Variants in CCDC7 observed in about 807,000 individuals in gnomAD.
CCDC7 encodes coiled-coil domain containing 7.
In CCDC7, 183 loss-of-function variants were observed where a neutral mutation model predicts 196.9. That is an observed-to-expected ratio of 0.93 (90% confidence interval 0.82 to 1.05). The LOEUF is 1.05. Ranked by LOEUF, CCDC7 falls within the 50% of genes least tolerant of loss-of-function variation. The pLI is 0.00. For missense variants in CCDC7, 1,540 were observed against 1,482.2 expected, an observed-to-expected ratio of 1.04 and a Z score of -0.64; for synonymous variants, 525 against 484.6, an observed-to-expected ratio of 1.08 and a Z score of -1.10.
intron 25 of CCDC7, among the ~76,000 whole-genome samples, chr10:32,721,346 G>A (rs2082389493): frequency 6.6e-6 from 1 of 152,138 alleles, no homozygotes; most frequent in Non-Finnish European, 1.5e-5. Context: ...TCCTGTGTCA[G>A]TGTCTTTCTG....
chr10:32,774,181 T>C (rs1303461981), intron 28 of CCDC7, among the ~76,000 whole-genome samples: 1 of 152,198 alleles, frequency 6.6e-6, no homozygotes, highest in Non-Finnish European at 1.5e-5. Flanking sequence ...GATTGTGTCT[T>C]CTTCAGCACT....
intron 13 of CCDC7, among the ~76,000 whole-genome samples, chr10:32,555,010 C>G (rs940185925): frequency 1.3e-5 from 2 of 152,160 alleles, no homozygotes; most frequent in African/African-American, 4.8e-5. Flanking sequence ...CCTCCAGTTG[C>G]AAATGACAGG....
chr10:32,669,066 A>T (rs1565055654), intron 21 of CCDC7, among the ~76,000 whole-genome samples: 2 of 152,096 alleles, frequency 1.3e-5, no homozygotes, highest in African/African-American at 4.8e-5. Flanking sequence ...GTGGTGAGGT[A>T]CAATCCTCCT....
At chr10:32,828,686 C>T (rs2091766275) in intron 32 of CCDC7, among the ~76,000 whole-genome samples, 1 of 152,132 alleles carries the variant, frequency 6.6e-6, no homozygotes, top group African/African-American at 2.4e-5. Context: ...AACTAGGTGA[C>T]AATACTTTGC....
chr10:32,707,448 A>G (rs1011067344), intron 24 of CCDC7, among the ~76,000 whole-genome samples: 2 of 152,198 alleles, frequency 1.3e-5, no homozygotes, highest in Admixed American at 6.5e-5. Context: ...CCTATTCAAC[A>G]TAGTATTGGA....
intron 32 of CCDC7, among the ~76,000 whole-genome samples, chr10:32,829,080 C>T (rs948493734): frequency 6.6e-6 from 1 of 152,164 alleles, no homozygotes; most frequent in South Asian, 2.1e-4. Context: ...AAGATGAATT[C>T]AGTCTACTAC....
chr10:32,847,840 T>C lies in CCDC7; in HGVS notation c.3696T>C (p.Asp1232=), dbSNP rs375379901. The C allele has an allele frequency of 2.5e-6, 4 of 1,607,474 alleles. No homozygotes were observed. In the South Asian group the frequency reaches 4.4e-5, roughly 18 times the overall value. ...TGTGTTTTATGTCTATAGAGACTGA[T>C]GTAGAACCCTTGACAAATGCCATTG... Residue 1232 remains aspartate, a synonymous_variant, in exon 38 of 42, where the codon GAT becomes GAC. Transcript: ENST00000639629.
At chr10:32,593,658 C>T (rs1056411077) in intron 18 of CCDC7, among the ~76,000 whole-genome samples, 5 of 152,174 alleles carry the variant, frequency 3.3e-5, no homozygotes, top group Non-Finnish European at 7.3e-5. Flanking sequence ...CCTAGGTTTT[C>T]TTCAAGGGTT....
At chr10:32,707,730 A>G (rs1250357574) in intron 24 of CCDC7, among the ~76,000 whole-genome samples, 1 of 152,198 alleles carries the variant, frequency 6.6e-6, no homozygotes, top group African/African-American at 2.4e-5. Flanking sequence ...AATTGCTTCA[A>G]AGAGAATAAA....
intron 8 of CCDC7, among the ~76,000 whole-genome samples, chr10:32,476,090 G>C (rs1379052002): frequency 1.3e-5 from 2 of 152,060 alleles, no homozygotes; most frequent in African/African-American, 2.4e-5. Context: ...GTTTACATCT[G>C]GTTTGCTTTT....
At chr10:32,756,257 C>A (rs1027618873) in intron 28 of CCDC7, among the ~76,000 whole-genome samples, 2 of 152,120 alleles carry the variant, frequency 1.3e-5, no homozygotes, top group Non-Finnish European at 1.5e-5. Context: ...ATACAGAGAA[C>A]ACCACAAAGA....
At chr10:32,612,410 T>C (rs2062258982) in intron 18 of CCDC7, among the ~76,000 whole-genome samples, 1 of 152,128 alleles carries the variant, frequency 6.6e-6, no homozygotes, top group African/African-American at 2.4e-5. Flanking sequence ...TACCCTTAAT[T>C]TTTTTCTCTT....
At chr10:32,722,333 G>C (rs1175552369) in intron 25 of CCDC7, among the ~76,000 whole-genome samples, 1 of 152,060 alleles carries the variant, frequency 6.6e-6, no homozygotes, top group East Asian at 1.9e-4. Flanking sequence ...TGGTCCAGTG[G>C]GACCCATGCA....
chr10:32,655,775 G>C (rs2069709540), intron 20 of CCDC7, among the ~76,000 whole-genome samples: 1 of 152,166 alleles, frequency 6.6e-6, no homozygotes, highest in East Asian at 1.9e-4. Flanking sequence ...TCAAACTCCT[G>C]ATCTCAAGTG....
intron 29 of CCDC7, among the ~76,000 whole-genome samples, chr10:32,801,888 G>C (rs958105202): frequency 1.3e-5 from 2 of 152,168 alleles, no homozygotes; most frequent in African/African-American, 4.8e-5. Context: ...CGCCCAAAAA[G>C]TCTCATCAGA....
chr10:32,713,274 G>A (rs372355955), intron 25 of CCDC7, among the ~76,000 whole-genome samples: 12 of 152,280 alleles, frequency 7.9e-5, no homozygotes, highest in African/African-American at 2.4e-4. Context: ...TTTCCTCCTC[G>A]TCCTCATGTC....
At chr10:32,729,893 GATACGTTTTTTTC>G (rs1471333300) in intron 28 of CCDC7, among the ~76,000 whole-genome samples, 2 of 151,768 alleles carry the variant, frequency 1.3e-5, no homozygotes, top group African/African-American at 4.8e-5. Flanking sequence ...GTATTTGCTT[GATACGTTTTTTTC>G]ATCATATTAT....
chr10:32,854,548 G>A (rs965293251), intron 41 of CCDC7, 59 bp downstream of exon 42: 34 of 1,108,700 alleles, frequency 3.1e-5, no homozygotes, highest in African/African-American at 2.7e-4. Context: ...TATTCTCATC[G>A]TCTCTATTTA....
At chr10:32,686,025 A>G in exon 22 of CCDC7, 1 of 1,589,882 alleles carries the variant, frequency 6.3e-7, no homozygotes, top group Non-Finnish European at 8.6e-7. Flanking sequence ...AATCATTGTC[A>G]AAAACCAAAT....
Sources: gnomAD v4.1 joint callset for allele counts (sites outside exome capture counted in the v4.1 genomes callset) on GRCh38, gnomAD v4.1.1 for gene constraint, MANE v1.5 for transcripts, NCBI Gene and HGNC (gene_info 2026-07-23, HGNC 2026-07-21) for gene names.